The following ARMC3 variants were observed in gnomAD, a reference collection of about 807,000 sequenced individuals.
The protein encoded by ARMC3 is armadillo repeat containing 3.
ARMC3 carries 74 observed loss-of-function variants against 90.3 expected under a neutral mutation model. The observed-to-expected ratio is 0.82, with a 90% CI of 0.68 to 0.99. ARMC3 has a LOEUF of 0.99. Among genes scored for constraint, ARMC3 ranks in the 50% least tolerant of loss-of-function variants. The probability of loss-of-function intolerance (pLI) is 0.00; values close to 1 mark genes in which losing one functional copy is unlikely to be tolerated. For missense variants in ARMC3, 958 were observed against 1,042.8 expected (o/e 0.92, Z 1.12); for synonymous variants, 334 against 361.8 (o/e 0.92, Z 0.87).
chr10:22,956,026 T>C (rs1834925260), intron 4 of ARMC3, 94 bp downstream of exon 4: 11 of 1,222,762 alleles, frequency 9.0e-6, no homozygotes, highest in Non-Finnish European at 1.2e-5. Context: ...TTCAATTTTA[T>C]TTAAACTGAC....
chr10:22,956,003 T>C (rs1029979778), intron 4 of ARMC3, 71 bp downstream of exon 4: 10 of 1,368,748 alleles, frequency 7.3e-6, no homozygotes, highest in East Asian at 2.4e-5. Context: ...AAATTTAACA[T>C]TAAGGAATTT....
intron 10 of ARMC3, among the ~76,000 whole-genome samples, chr10:22,989,779 C>G (rs187596968): frequency 6.6e-6 from 1 of 152,138 alleles, no homozygotes; most frequent in African/African-American, 2.4e-5. Context: ...TTCTTTCTGC[C>G]CCTTAGAGCC....
At position 22,968,448 on chromosome 10, in the gene ARMC3, A is replaced by G. The variant is rs181044463; in HGVS notation, c.875A>G (p.Gln292Arg). The G allele has an allele frequency of 1.4e-5, 22 of 1,605,500 alleles. No individual in the cohort carries two copies. In the African/African-American group the frequency reaches 2.4e-4, roughly 18 times the overall value. Residue 292 changes from glutamine (Q) to arginine (R), a missense_variant, in exon 8 of 19, where the codon CAG becomes CGG. Gln to Arg is a conservative substitution (Grantham distance 43). Transcript: ENST00000298032. ...FAENSTIPDI[Q>R]KNAAKAITKA... ...GAAAACTCTACAATTCCTGATATTC[A>G]GAAGAATGCAGCAAAAGCCATTACT...
At chr10:23,009,439 C>A (rs757824610) in intron 16 of ARMC3, among the ~76,000 whole-genome samples, 2 of 152,224 alleles carry the variant, frequency 1.3e-5, no homozygotes, top group Non-Finnish European at 2.9e-5. Context: ...GCAAATAGAG[C>A]AACGCTCTTA....
intron 10 of ARMC3, among the ~76,000 whole-genome samples, chr10:22,989,654 T>G (rs548123148): frequency 6.6e-6 from 1 of 152,210 alleles, no homozygotes; most frequent in Non-Finnish European, 1.5e-5. Flanking sequence ...ACATGTTAAT[T>G]AATGCCTTAA....
At chr10:23,027,212 G>A (rs1838744804) in intron 16 of ARMC3, among the ~76,000 whole-genome samples, 2 of 152,122 alleles carry the variant, frequency 1.3e-5, no homozygotes, top group South Asian at 4.1e-4. Flanking sequence ...CATTTTGGGG[G>A]AGAACTGACA....
chr10:22,929,691 G>A (rs1440997218), intron 1 of ARMC3, among the ~76,000 whole-genome samples: 1 of 152,180 alleles, frequency 6.6e-6, no homozygotes, highest in Admixed American at 6.5e-5. Flanking sequence ...GGGAATGCAG[G>A]CACATGCCAC....
intron 1 of ARMC3, among the ~76,000 whole-genome samples, chr10:22,931,698 A>C (rs1366915464): frequency 6.6e-6 from 1 of 152,200 alleles, no homozygotes; most frequent in East Asian, 1.9e-4. Context: ...GCAAGCTATA[A>C]AAATGGTAAA....
chr10:23,029,284 T>C (rs1170653516), intron 16 of ARMC3, among the ~76,000 whole-genome samples: 1 of 152,192 alleles, frequency 6.6e-6, no homozygotes. Context: ...TGGAATTCAA[T>C]AGAAGGATAA....
At chr10:23,032,402 T>G (rs924345903) in intron 17 of ARMC3, among the ~76,000 whole-genome samples, 3 of 152,222 alleles carry the variant, frequency 2.0e-5, no homozygotes, top group Non-Finnish European at 4.4e-5. Flanking sequence ...AAAATGTTCT[T>G]AAATCTAATG....
intron 2 of ARMC3, among the ~76,000 whole-genome samples, chr10:22,933,816 C>T (rs1383469341): frequency 3.9e-5 from 6 of 152,186 alleles, no homozygotes; most frequent in Non-Finnish European, 5.9e-5. Context: ...ACCTGGGAGG[C>T]GGAGTTTGCA....
intron 10 of ARMC3, among the ~76,000 whole-genome samples, chr10:22,990,392 G>T (rs1836652837): frequency 6.6e-6 from 1 of 152,082 alleles, no homozygotes; most frequent in Non-Finnish European, 1.5e-5. Context: ...GCTAAAAATT[G>T]TCTGAAAATG....
At chr10:22,971,359 T>A (rs1186791286) in intron 8 of ARMC3, among the ~76,000 whole-genome samples, 1 of 152,116 alleles carries the variant, frequency 6.6e-6, no homozygotes, top group Non-Finnish European at 1.5e-5. Context: ...TATACAGATA[T>A]CTCTTTGAGT....
At chr10:23,011,345 T>C (rs1003800817) in intron 16 of ARMC3, among the ~76,000 whole-genome samples, 2 of 152,190 alleles carry the variant, frequency 1.3e-5, no homozygotes, top group Non-Finnish European at 2.9e-5. Context: ...TGTTTCCTCA[T>C]CTGTAAAACT....
intron 10 of ARMC3, among the ~76,000 whole-genome samples, chr10:22,995,439 G>A (rs146717946): frequency 6.6e-6 from 1 of 152,194 alleles, no homozygotes; most frequent in African/African-American, 2.4e-5. Context: ...TACATATAAT[G>A]CAGGTTGTGC....
intron 1 of ARMC3, among the ~76,000 whole-genome samples, chr10:22,930,936 T>G (rs1588798099): frequency 1.3e-5 from 1 of 75,520 alleles, no homozygotes; most frequent in East Asian, 6.6e-4. Context: ...GAAAAGTTTC[T>G]TTTTTTTTTT....
In ARMC3 at chr10:22,968,456, GC is replaced by G. The variant is rs1835542308; in HGVS notation, c.884del (p.Ala295GlufsTer28). ...TACAATTCCTGATATTCAGAAGAATGCAGCAAAAGCCATTACTAAAGCAGCT... is the reference window on the plus strand; with the variant it reads ...TACAATTCCTGATATTCAGAAGAATGAGCAAAAGCCATTACTAAAGCAGCT... ...NSTIPDIQKN[A>X]AKAITKAAYD... is the part of the protein sequence containing the mutation. On this transcript the variant is annotated frameshift_variant, in exon 8 of 19. Coordinates refer to ENST00000298032, the MANE Select transcript of ARMC3 (RefSeq NM_173081.5). LOFTEE classifies it high-confidence loss of function. 15 of 1,601,194 alleles carry G rather than the reference GC, an allele frequency of 9.4e-6. No homozygotes were observed. The highest frequency in any genetic ancestry group is 3.4e-4 in the Middle Eastern group (2 of 5,956).
intron 16 of ARMC3, among the ~76,000 whole-genome samples, chr10:23,016,827 A>G (rs1009742135): frequency 6.6e-6 from 1 of 152,200 alleles, no homozygotes; most frequent in Non-Finnish European, 1.5e-5. Flanking sequence ...TTGTTCTTAC[A>G]TCAGGCAGCA....
intron 15 of ARMC3, 76 bp from the exon 16 acceptor site, chr10:23,008,739 G>A: frequency 8.3e-7 from 1 of 1,211,270 alleles, no homozygotes; most frequent in South Asian, 1.4e-5. Context: ...TGCCTTGTAA[G>A]CTCTAAATGC....
Sources: gnomAD v4.1 joint callset for allele counts (sites outside exome capture counted in the v4.1 genomes callset) on GRCh38, gnomAD v4.1.1 for gene constraint, MANE v1.5 for transcripts, NCBI Gene and HGNC (gene_info 2026-07-23, HGNC 2026-07-21) for gene names.